Variants in FAM171A1 observed in about 807,000 individuals in gnomAD.
FAM171A1 encodes family with sequence similarity 171 member A1, also known as protein FAM171A1.
Under a neutral mutation model 74.9 loss-of-function variants are expected in FAM171A1, and 23 were observed. That is an observed-to-expected ratio of 0.31 (90% confidence interval 0.22 to 0.44). FAM171A1 has a LOEUF of 0.44. Among genes scored for constraint, FAM171A1 ranks in the 20% least tolerant of loss-of-function variants. FAM171A1 has a pLI of 1.00. For missense variants in FAM171A1, 1,162 were observed against 1,159.2 expected, an observed-to-expected ratio of 1.00 and a Z score of -0.03; for synonymous variants, 527 against 505.7, an observed-to-expected ratio of 1.04 and a Z score of -0.57.
intron 5 of FAM171A1, among the ~76,000 whole-genome samples, chr10:15,244,913 C>T (rs1327771885): frequency 6.6e-6 from 1 of 152,156 alleles, no homozygotes; most frequent in Non-Finnish European, 1.5e-5. Context: ...GACAAGCTGT[C>T]ATTTACTTTT....
rs567640535 is a variant in FAM171A1 at position 15,281,044 on chromosome 10, C to T, written c.325+2834G>A. Among the ~76,000 whole-genome samples the T allele has an allele frequency of 3.9e-5, 6 of 152,196 alleles. No individual in the cohort carries two copies. The South Asian group carries it at 1.0e-3, about 26-fold the overall frequency. ...CAGTTTCTCATGAATGGTTTAGCAC[C>T]ATCTCCTGGTGCTATTCTTGTGATC... On this transcript the variant is annotated intron_variant, in intron 2 of 7. Transcript: ENST00000378116.
chr10:15,215,242 A>C (rs1833952866), intron 7 of FAM171A1, among the ~76,000 whole-genome samples: 1 of 152,218 alleles, frequency 6.6e-6, no homozygotes, highest in South Asian at 2.1e-4. Context: ...TTTTTCCTCT[A>C]TAATGCCTTT....
intron 1 of FAM171A1, among the ~76,000 whole-genome samples, chr10:15,308,524 C>G (rs964332047): frequency 9.2e-5 from 14 of 152,014 alleles, no homozygotes; most frequent in African/African-American, 3.1e-4. Context: ...AGTGCAGTGG[C>G]ACGATTTTGG....
chr10:15,256,595 T>G (rs1352935261), intron 3 of FAM171A1, among the ~76,000 whole-genome samples: 2 of 152,208 alleles, frequency 1.3e-5, no homozygotes, highest in East Asian at 3.8e-4. Context: ...AGACCATCGA[T>G]TCCCCTTCTT....
chr10:15,245,412 G>A (rs1472018711), intron 5 of FAM171A1, among the ~76,000 whole-genome samples: 3 of 152,174 alleles, frequency 2.0e-5, no homozygotes, highest in African/African-American at 4.8e-5. Flanking sequence ...CACAGTGAGG[G>A]AGGGCCTCAT....
At chr10:15,301,409 G>T (rs1167555524) in intron 1 of FAM171A1, among the ~76,000 whole-genome samples, 2 of 149,826 alleles carry the variant, frequency 1.3e-5, no homozygotes, top group East Asian at 2.0e-4. Flanking sequence ...CACCACGTTG[G>T]CCAGCCTGGT....
chr10:15,338,852 T>C (rs1369057149), intron 1 of FAM171A1, among the ~76,000 whole-genome samples: 1 of 152,218 alleles, frequency 6.6e-6, no homozygotes, highest in East Asian at 1.9e-4. Context: ...GTGATTCTCC[T>C]GCCTCAGCCT....
Position 15,337,671 on chromosome 10 carries a change from T to TTAATAAGCAGTAGGGGTC in FAM171A1, c.97+33284_97+33285insGACCCCTACTGCTTATTA, listed in dbSNP as rs1564284004. ...CAGCGCTTTAATAAGCAGTAGGGGT[T>TTAATAAGCAGTAGGGGTC]GGCGCGGTGGCTTACGCCTGCAATC... On this transcript the variant is annotated intron_variant, in intron 1 of 7. Transcript: ENST00000378116. Among the ~76,000 whole-genome samples, 17 of 151,236 alleles carry TTAATAAGCAGTAGGGGTC rather than the reference T, an allele frequency of 1.1e-4. 1 individual carries two copies. Among genetic ancestry groups the TTAATAAGCAGTAGGGGTC allele is most frequent in the African/African-American group, 3.7e-4 (15 of 41,046 alleles).
At position 15,226,363 on chromosome 10, in the gene FAM171A1, C is replaced by T. The variant is rs144588978; in HGVS notation, c.755-5303G>A. Among the ~76,000 whole-genome samples, 298 of 152,242 alleles carry T rather than the reference C, an allele frequency of 2.0e-3. 1 individual carries two copies. Among genetic ancestry groups the T allele is most frequent in the African/African-American group, 6.1e-3 (252 of 41,538 alleles). ...GGCATCATCAAGGGATGAAATTCTG[C>T]GTTACTGAAATTTCTACATCATTGA... is the stretch of plus-strand genomic sequence containing the variant. On this transcript the variant is annotated intron_variant, in intron 5 of 7. Coordinates refer to ENST00000378116, the MANE Select transcript of FAM171A1 (RefSeq NM_001010924.2).
chr10:15,285,563 T>C (rs932391807), intron 1 of FAM171A1, among the ~76,000 whole-genome samples: 1 of 152,178 alleles, frequency 6.6e-6, no homozygotes, highest in African/African-American at 2.4e-5. Flanking sequence ...AGGGTGCTGA[T>C]TCCAGAACTA....
intron 1 of FAM171A1, among the ~76,000 whole-genome samples, chr10:15,320,112 C>A (rs1835469061): frequency 6.6e-6 from 1 of 152,028 alleles, no homozygotes; most frequent in African/African-American, 2.4e-5. Flanking sequence ...GTATTTCTAT[C>A]CTCACCCTCC....
At chr10:15,300,033 G>A (rs1835210077) in intron 1 of FAM171A1, among the ~76,000 whole-genome samples, 1 of 152,126 alleles carries the variant, frequency 6.6e-6, no homozygotes, top group South Asian at 2.1e-4. Flanking sequence ...GAAAACTATG[G>A]ATGGCCTAAG....
chr10:15,229,792 T>C (rs1015054570), intron 5 of FAM171A1, among the ~76,000 whole-genome samples: 38 of 13,828 alleles, frequency 2.7e-3, no homozygotes, highest in Non-Finnish European at 3.3e-3. Context: ...ATCACCACCA[T>C]CACCATCATC....
intron 1 of FAM171A1, among the ~76,000 whole-genome samples, chr10:15,338,350 T>C (rs1486382615): frequency 6.6e-6 from 1 of 152,210 alleles, no homozygotes; most frequent in East Asian, 1.9e-4. Flanking sequence ...CAATATACAT[T>C]ATGTGCCTAT....
intron 1 of FAM171A1, among the ~76,000 whole-genome samples, chr10:15,336,806 G>A (rs2131865533): frequency 6.6e-6 from 1 of 152,280 alleles, no homozygotes; most frequent in East Asian, 1.9e-4. Flanking sequence ...AATGATTGCA[G>A]TGACTAAATG....
At chr10:15,277,389 T>C (rs560667873) in intron 2 of FAM171A1, among the ~76,000 whole-genome samples, 1 of 152,198 alleles carries the variant, frequency 6.6e-6, no homozygotes, top group African/African-American at 2.4e-5. Context: ...AGCTAATGTT[T>C]TAAAAAATAT....
chr10:15,243,012 C>A (rs1257359128), intron 5 of FAM171A1, among the ~76,000 whole-genome samples: 2 of 152,160 alleles, frequency 1.3e-5, no homozygotes, highest in African/African-American at 4.8e-5. Flanking sequence ...TAAAACAGCA[C>A]AGATTTACTT....
chr10:15,370,333 T>A (rs1836123664), intron 1 of FAM171A1, among the ~76,000 whole-genome samples: 1 of 143,382 alleles, frequency 7.0e-6, no homozygotes, highest in Non-Finnish European at 1.5e-5. Context: ...GCTGAGCAAA[T>A]CCCTTATGGT....
At position 15,341,258 on chromosome 10, in the gene FAM171A1, C is replaced by T. The variant is rs1454743148; in HGVS notation, c.97+29698G>A. On this transcript the variant is annotated intron_variant, in intron 1 of 7. Coordinates refer to ENST00000378116, the MANE Select transcript of FAM171A1 (RefSeq NM_001010924.2). ...CTAAATTCCATTTTTAGTAACAAAA[C>T]ACCTCTGCTTAGCTTACAAAAAGTC... Among the ~76,000 whole-genome samples the T allele has an allele frequency of 3.9e-5, 6 of 152,260 alleles. No homozygotes were observed. The East Asian group carries it at 9.6e-4, about 24-fold the overall frequency.
Sources: allele counts gnomAD v4.1 joint callset (sites outside exome capture counted in the v4.1 genomes callset), GRCh38; gene constraint gnomAD v4.1.1; transcripts MANE v1.5; gene names NCBI Gene and HGNC (gene_info 2026-07-23, HGNC 2026-07-21).